Variants in PRORP observed in about 807,000 individuals in gnomAD.
The protein encoded by PRORP is protein only RNase P catalytic subunit.
Under a neutral mutation model 59.4 loss-of-function variants are expected in PRORP, and 51 were observed. That is an observed-to-expected ratio of 0.86 (90% CI 0.69 to 1.08). The LOEUF (loss-of-function observed/expected upper bound fraction) is 1.08. PRORP is among the 50% of genes least tolerant of loss of function. The probability of loss-of-function intolerance (pLI) is 0.00; values close to 1 mark genes in which losing one functional copy is unlikely to be tolerated. For synonymous variants in PRORP, 231 were observed against 245.6 expected, an observed-to-expected ratio of 0.94 and a Z score of 0.55; for missense variants, 646 against 690.3, an observed-to-expected ratio of 0.94 and a Z score of 0.72.
At chr14:35,196,084 G>A (rs2049001023) in intron 5 of PRORP, among the ~76,000 whole-genome samples, 1 of 152,210 alleles carries the variant, frequency 6.6e-6, no homozygotes, top group African/African-American at 2.4e-5. Flanking sequence ...CACTGTTAAT[G>A]TGGATTCTTG....
intron 4 of PRORP, among the ~76,000 whole-genome samples, chr14:35,128,334 G>A (rs931406910): frequency 6.6e-6 from 1 of 150,962 alleles, no homozygotes; most frequent in South Asian, 2.1e-4. Flanking sequence ...TCTGGTTTTG[G>A]TATCAAGGTA....
At chr14:35,188,110 G>T (rs1345997365) in intron 5 of PRORP, among the ~76,000 whole-genome samples, 2 of 151,236 alleles carry the variant, frequency 1.3e-5, no homozygotes, top group African/African-American at 2.4e-5. Context: ...GGGCTTATGG[G>T]CATGAGCTAC....
chr14:35,158,625 T>C (rs772276613), intron 4 of PRORP: 2 of 360,514 alleles, frequency 5.5e-6, no homozygotes, highest in Admixed American at 3.4e-5. Context: ...TTATCAGGCA[T>C]CTGAAATCTG....
chr14:35,172,351 A>G (rs1170562316), intron 4 of PRORP, among the ~76,000 whole-genome samples: 1 of 151,590 alleles, frequency 6.6e-6, no homozygotes, highest in African/African-American at 2.4e-5. Context: ...TATATTTGCA[A>G]TAGTTACTTT....
intron 4 of PRORP, among the ~76,000 whole-genome samples, chr14:35,137,622 A>C (rs1345764674): frequency 6.2e-5 from 9 of 145,146 alleles, no homozygotes; most frequent in Admixed American, 5.0e-4. Context: ...TGAGGTTTGA[A>C]TCTGTGAATC....
chr14:35,125,657 TC>T (rs1398910976), intron 2 of PRORP, among the ~76,000 whole-genome samples: 1 of 152,192 alleles, frequency 6.6e-6, no homozygotes, highest in African/African-American at 2.4e-5. Flanking sequence ...TTACTGAAGA[TC>T]AAGGGAGGAG....
chr14:35,273,761 T>TG lies in PRORP; in HGVS notation c.*195_*196insG, dbSNP rs1230962030. ...CAGCTGCGTTTTTTTCCCCTAACAT[T>TG]TGTTTTTGGAGGCTTATCAAGAGTT... is the stretch of plus-strand genomic sequence containing the variant. On this transcript the variant is annotated 3_prime_UTR_variant, in exon 8 of 8. Coordinates refer to ENST00000534898, the MANE Select transcript of PRORP (RefSeq NM_014672.4). The TG allele has an allele frequency of 2.4e-6, 1 of 420,068 alleles. No homozygotes were observed. The allele number at this position is 420,068 out of a possible 1,614,324, so 26.0% of individuals were successfully genotyped here.
intron 5 of PRORP, among the ~76,000 whole-genome samples, chr14:35,200,091 A>G (rs2049108296): frequency 6.6e-6 from 1 of 152,244 alleles, no homozygotes; most frequent in African/African-American, 2.4e-5. Context: ...GTATTTTAAC[A>G]GTATTAATAT....
intron 3 of PRORP, 77 bp downstream of exon 3, chr14:35,126,859 A>C (rs1189513444): frequency 7.8e-6 from 8 of 1,029,538 alleles, no homozygotes; most frequent in Non-Finnish European, 3.0e-6. Context: ...AAAAATATTT[A>C]AGAACACCTT....
chr14:35,254,094 ACT>A, intron 5 of PRORP, among the ~76,000 whole-genome samples: 1 of 148,752 alleles, frequency 6.7e-6, no homozygotes, highest in African/African-American at 2.5e-5. Context: ...CCTCTCATAG[ACT>A]CTATCTTGGT....
chr14:35,177,611 G>A (rs1419406755), intron 4 of PRORP, among the ~76,000 whole-genome samples: 2 of 151,896 alleles, frequency 1.3e-5, no homozygotes, highest in Non-Finnish European at 2.9e-5. Flanking sequence ...ATTTTTTATT[G>A]TGTCTATTTG....
intron 5 of PRORP, among the ~76,000 whole-genome samples, chr14:35,196,823 G>A (rs900514721): frequency 6.6e-6 from 1 of 152,114 alleles, no homozygotes; most frequent in African/African-American, 2.4e-5. Flanking sequence ...TTTGTCATGT[G>A]ACTGCTGGGA....
intron 5 of PRORP, among the ~76,000 whole-genome samples, chr14:35,194,832 A>G (rs954390838): frequency 1.3e-5 from 2 of 152,224 alleles, no homozygotes; most frequent in African/African-American, 4.8e-5. Context: ...AGAAAGTCTT[A>G]AACTATGACT....
At chr14:35,208,072 C>T (rs1318637244) in intron 5 of PRORP, among the ~76,000 whole-genome samples, 1 of 151,804 alleles carries the variant, frequency 6.6e-6, no homozygotes, top group Non-Finnish European at 1.5e-5. Context: ...ATCGCTTGAA[C>T]CTAGGAGGCA....
At chr14:35,215,871 A>G (rs961671073) in intron 5 of PRORP, among the ~76,000 whole-genome samples, 1 of 151,580 alleles carries the variant, frequency 6.6e-6, no homozygotes, top group African/African-American at 2.4e-5. Flanking sequence ...GGTTCAAGCA[A>G]TTCTCCTGCC....
intron 5 of PRORP, among the ~76,000 whole-genome samples, chr14:35,264,287 C>T (rs2050981929): frequency 1.3e-5 from 2 of 151,982 alleles, no homozygotes; most frequent in African/African-American, 2.4e-5. Flanking sequence ...ATCACCACGC[C>T]CAGCTAATTT....
At chr14:35,141,675 A>G (rs2047483417) in intron 4 of PRORP, among the ~76,000 whole-genome samples, 1 of 145,644 alleles carries the variant, frequency 6.9e-6, no homozygotes, top group African/African-American at 2.4e-5. Context: ...CATAATCAAA[A>G]AGAGACTAAC....
At chr14:35,251,509 T>G (rs567316382) in intron 5 of PRORP, among the ~76,000 whole-genome samples, 2 of 152,338 alleles carry the variant, frequency 1.3e-5, no homozygotes, top group African/African-American at 4.8e-5. Flanking sequence ...TAATTTCATC[T>G]TTCCATACAA....
intron 5 of PRORP, among the ~76,000 whole-genome samples, chr14:35,259,214 T>A (rs891392266): frequency 6.6e-6 from 1 of 152,254 alleles, no homozygotes; most frequent in Non-Finnish European, 1.5e-5. Context: ...TTTGTGTCTC[T>A]GGTAATTTTC....
Sources: allele counts gnomAD v4.1 joint callset (sites outside exome capture counted in the v4.1 genomes callset), GRCh38; gene constraint gnomAD v4.1.1; transcripts MANE v1.5; gene names NCBI Gene and HGNC (gene_info 2026-07-23, HGNC 2026-07-21).